The following GALNT17 variants were observed in gnomAD, a reference collection of about 807,000 sequenced individuals.
GALNT17 encodes polypeptide N-acetylgalactosaminyltransferase 17.
A neutral mutation model predicts 63.7 loss-of-function variants in GALNT17; 29 were observed. The observed-to-expected ratio is 0.46, with a 90% CI of 0.34 to 0.62. The LOEUF is 0.62. Ranked by LOEUF, GALNT17 falls within the 20% of genes least tolerant of loss-of-function variation. GALNT17 has a pLI of 0.01. For missense variants in GALNT17, 603 were observed against 799.6 expected (o/e 0.75, Z 2.97); for synonymous variants, 305 against 318.3 (o/e 0.96, Z 0.45).
At chr7:71,696,765 T>C (rs989180708) in intron 9 of GALNT17, among the ~76,000 whole-genome samples, 10 of 152,142 alleles carry the variant, frequency 6.6e-5, no homozygotes, top group African/African-American at 2.4e-4. Context: ...ATGACGTTCA[T>C]TTCTCCTCAT....
intron 5 of GALNT17, among the ~76,000 whole-genome samples, chr7:71,556,406 A>T (rs1211277226): frequency 6.6e-6 from 1 of 152,154 alleles, no homozygotes; most frequent in African/African-American, 2.4e-5. Flanking sequence ...CTCTTATTAA[A>T]AATCTTTTAG....
At chr7:71,161,209 C>T (rs1788336333) in intron 1 of GALNT17, among the ~76,000 whole-genome samples, 1 of 152,190 alleles carries the variant, frequency 6.6e-6, no homozygotes, top group African/African-American at 2.4e-5. Context: ...TTTGTGTCAC[C>T]TTATCCTCTC....
chr7:71,597,530 A>ATAAG (rs1789905068), intron 6 of GALNT17, among the ~76,000 whole-genome samples: 1 of 151,822 alleles, frequency 6.6e-6, no homozygotes, highest in Non-Finnish European at 1.5e-5. Context: ...AAATAAATAA[A>ATAAG]TAAATAAGTA....
chr7:71,652,588 C>G (rs1277525790), intron 6 of GALNT17, among the ~76,000 whole-genome samples: 1 of 152,126 alleles, frequency 6.6e-6, no homozygotes, highest in East Asian at 1.9e-4. Flanking sequence ...ATTCTCTTTG[C>G]CAGAAACCTG....
In GALNT17 at chr7:71,681,879, G is replaced by T. The variant is rs142625464; in HGVS notation, c.1500+4573G>T. ...CTCTAAGCAGTTACATTTTGCTTTG[G>T]GTGTTTCAGGGGAAGGTTTTGTTTT... is the stretch of plus-strand genomic sequence containing the variant. On this transcript the variant is annotated intron_variant, in intron 9 of 10. Coordinates refer to ENST00000333538, the MANE Select transcript of GALNT17 (RefSeq NM_022479.3). 7.2e-5 allele frequency among the ~76,000 whole-genome samples: 11 copies of T among 152,140 alleles called. No individual in the cohort carries two copies. In the East Asian group the frequency reaches 2.1e-3, roughly 29 times the overall value.
chr7:71,213,192 A>G (rs1015042945), intron 1 of GALNT17, among the ~76,000 whole-genome samples: 2 of 152,126 alleles, frequency 1.3e-5, no homozygotes, highest in African/African-American at 4.8e-5. Context: ...TATTCTCATG[A>G]TAGTGAATAT....
At chr7:71,426,971 A>C (rs375565301) in intron 5 of GALNT17, among the ~76,000 whole-genome samples, 20 of 152,078 alleles carry the variant, frequency 1.3e-4, no homozygotes, top group African/African-American at 4.3e-4. Context: ...CGTGTTCTTC[A>C]TAGGAAGTTA....
At chr7:71,428,401 T>C (rs547982005) in intron 5 of GALNT17, among the ~76,000 whole-genome samples, 1 of 152,252 alleles carries the variant, frequency 6.6e-6, no homozygotes, top group African/African-American at 2.4e-5. Flanking sequence ...TGAGGTTCAT[T>C]CATGCATCAG....
rs565566914 is a variant in GALNT17, at chr7:71,706,349, C to T, written c.1501-4412C>T. Reference sequence around the variant, plus strand: ...ATTCTAGGTCTCATTGTTTCACTCCCTAACAGACCTCAGAAAGGAGAACCT... The same window carrying T: ...ATTCTAGGTCTCATTGTTTCACTCCTTAACAGACCTCAGAAAGGAGAACCT... On this transcript the variant is annotated intron_variant, in intron 9 of 10. Transcript: ENST00000333538. Among the ~76,000 whole-genome samples the T allele has an allele frequency of 1.5e-3, 228 of 152,282 alleles. 2 individuals carry two copies. Among genetic ancestry groups the T allele is most frequent in the African/African-American group, 5.3e-3 (219 of 41,584 alleles).
chr7:71,589,816 C>A (rs889537576), intron 6 of GALNT17, among the ~76,000 whole-genome samples: 1 of 152,190 alleles, frequency 6.6e-6, no homozygotes, highest in Admixed American at 6.5e-5. Flanking sequence ...AATTTGAGTT[C>A]TATGAGGCTT....
intron 4 of GALNT17, among the ~76,000 whole-genome samples, chr7:71,418,217 C>T (rs894864964): frequency 1.3e-5 from 2 of 152,196 alleles, no homozygotes; most frequent in African/African-American, 4.8e-5. Flanking sequence ...TCAAATCCAC[C>T]TATCATCTAA....
In GALNT17 at chr7:71,594,426, A is replaced by G. The variant is rs907776471; in HGVS notation, c.1080+23024A>G. 2.0e-5 allele frequency among the ~76,000 whole-genome samples: 3 copies of G among 152,090 alleles called. No homozygotes were observed. In the South Asian group the frequency reaches 6.3e-4, roughly 32 times the overall value. ...TGCCTCAGCCTCCTGAGTAGCTGGGACCGCAGGTGTGCACCACCACACCTG... is the reference window on the plus strand; with the variant it reads ...TGCCTCAGCCTCCTGAGTAGCTGGGGCCGCAGGTGTGCACCACCACACCTG... On this transcript the variant is annotated intron_variant, in intron 6 of 10. Coordinates refer to ENST00000333538, the MANE Select transcript of GALNT17 (RefSeq NM_022479.3).
At chr7:71,259,256 A>G (rs1351928743) in intron 1 of GALNT17, among the ~76,000 whole-genome samples, 1 of 152,212 alleles carries the variant, frequency 6.6e-6, no homozygotes, top group African/African-American at 2.4e-5. Context: ...GGGAGTTGGA[A>G]AAGAAGGAGC....
At chr7:71,267,781 C>G (rs527965072) in intron 1 of GALNT17, among the ~76,000 whole-genome samples, 2 of 152,066 alleles carry the variant, frequency 1.3e-5, no homozygotes, top group Non-Finnish European at 2.9e-5. Flanking sequence ...TTTTCTGCAC[C>G]TGTGAACCCA....
intron 5 of GALNT17, among the ~76,000 whole-genome samples, chr7:71,489,669 A>G (rs1166083155): frequency 6.6e-6 from 1 of 152,212 alleles, no homozygotes; most frequent in East Asian, 1.9e-4. Flanking sequence ...ATTTTACTAG[A>G]GGCTTACATA....
At chr7:71,382,913 G>A (rs1020062267) in intron 2 of GALNT17, among the ~76,000 whole-genome samples, 27 of 152,102 alleles carry the variant, frequency 1.8e-4, no homozygotes, top group African/African-American at 5.8e-4. Context: ...CATTAAGCAC[G>A]TTTACATTGT....
chr7:71,586,277 T>G (rs974810994), intron 6 of GALNT17, among the ~76,000 whole-genome samples: 1 of 152,186 alleles, frequency 6.6e-6, no homozygotes, highest in Non-Finnish European at 1.5e-5. Flanking sequence ...CATCTTATAG[T>G]CTCTATTGTA....
chr7:71,174,194 G>A (rs990890192), intron 1 of GALNT17, among the ~76,000 whole-genome samples: 3 of 152,140 alleles, frequency 2.0e-5, no homozygotes, highest in East Asian at 1.9e-4. Context: ...CCAGGTGCCC[G>A]GGGAGTCCTG....
intron 3 of GALNT17, among the ~76,000 whole-genome samples, chr7:71,396,142 C>G (rs986508443): frequency 2.6e-4 from 39 of 151,574 alleles, no homozygotes; most frequent in African/African-American, 8.5e-4. Flanking sequence ...TTCTTTTTTT[C>G]CTTTGGGTGC....
Sources: allele counts gnomAD v4.1 joint callset (sites outside exome capture counted in the v4.1 genomes callset), GRCh38; gene constraint gnomAD v4.1.1; transcripts MANE v1.5; gene names NCBI Gene and HGNC (gene_info 2026-07-23, HGNC 2026-07-21).